The following STXBP6 variants were observed in gnomAD, a reference collection of about 807,000 sequenced individuals.
STXBP6 encodes the protein syntaxin binding protein 6.
Under a neutral mutation model 26.9 loss-of-function variants are expected in STXBP6, and 21 were observed. The ratio of observed to expected loss-of-function variants is 0.78; its 90% CI spans 0.55 to 1.12. STXBP6 has a LOEUF of 1.12. STXBP6 is among the 50% of genes most tolerant of loss of function. The pLI, the probability that STXBP6 is intolerant of heterozygous loss-of-function variation, is 0.00. For synonymous variants in STXBP6, 97 were observed against 92.6 expected, an observed-to-expected ratio of 1.05 and a Z score of -0.27; for missense variants, 232 against 257.9, an observed-to-expected ratio of 0.90 and a Z score of 0.69.
intron 1 of STXBP6, among the ~76,000 whole-genome samples, chr14:25,045,587 A>C (rs1232461829): frequency 6.9e-6 from 1 of 144,290 alleles, no homozygotes; most frequent in Non-Finnish European, 1.5e-5. Context: ...AAATGCGTTC[A>C]TACTTTTTTT....
rs936888994 is a variant in STXBP6, at chr14:24,841,497, A to AAT, written c.451+14437_451+14438dup. 5.3e-5 allele frequency among the ~76,000 whole-genome samples: 8 copies of AAT among 152,254 alleles called. 2 individuals are homozygous for AAT. Among genetic ancestry groups the AAT allele is most frequent in the Admixed American group, 3.9e-4 (6 of 15,294 alleles). On this transcript the variant is annotated intron_variant, in intron 4 of 5. Transcript: ENST00000323944. Reference sequence around the variant, plus strand: ...GCAAGTTTTAGCCATCATCTTTTCAAATACTGGTTTTCTGCCATTCTTAAA... The same window carrying AAT: ...GCAAGTTTTAGCCATCATCTTTTCAAATATACTGGTTTTCTGCCATTCTTAAA...
chr14:24,981,278 AT>A (rs11320433), intron 1 of STXBP6, among the ~76,000 whole-genome samples: 26,118 of 147,884 alleles, frequency 0.18, 2,435 homozygotes, highest in Middle Eastern at 0.27. Context: ...GTATGTGAGT[AT>A]TTTTTTTTTT....
chr14:25,041,616 T>C (rs985878213), intron 1 of STXBP6, among the ~76,000 whole-genome samples: 1 of 130,840 alleles, frequency 7.6e-6, no homozygotes, highest in Admixed American at 7.4e-5. Context: ...ACGCCCTATC[T>C]GACCAAGCTT....
rs189090842 is a variant in STXBP6 at position 24,905,214 on chromosome 14, G to C, written c.155-48057C>G. 2.6e-3 allele frequency among the ~76,000 whole-genome samples: 395 copies of C among 152,270 alleles called. 2 individuals are homozygous for C. The highest frequency in any genetic ancestry group is 9.2e-3 in the African/African-American group (384 of 41,556). On this transcript the variant is annotated intron_variant, in intron 2 of 5. Coordinates refer to ENST00000323944, the MANE Select transcript of STXBP6 (RefSeq NM_001394410.1). Reference sequence around the variant, plus strand: ...ATGCTTTTGGGCTGTTTATTCCAAAGTCCCTATCATGTCTTAAATGTTAAG... The same window carrying C: ...ATGCTTTTGGGCTGTTTATTCCAAACTCCCTATCATGTCTTAAATGTTAAG...
intron 1 of STXBP6, among the ~76,000 whole-genome samples, chr14:24,985,893 G>A (rs2074318835): frequency 6.6e-6 from 1 of 152,128 alleles, no homozygotes; most frequent in Non-Finnish European, 1.5e-5. Flanking sequence ...TAACACATAA[G>A]GAAACTGAAG....
rs747010332 is a variant in STXBP6, at chr14:25,002,359, C to CTTTTTTTTTTTTTTTT, written c.-32-27525_-32-27510dup. ...ATCCCATACAGTTAAATTCTTATGACTTTTTTTTTTTTTTTTTTGAGACAC... is the reference window on the plus strand; with the variant it reads ...ATCCCATACAGTTAAATTCTTATGACTTTTTTTTTTTTTTTTTTTTTTTTTTTTTTTTTTGAGACAC... On this transcript the variant is annotated intron_variant, in intron 1 of 5. Transcript: ENST00000323944. Among the ~76,000 whole-genome samples, 5 of 121,356 alleles carry CTTTTTTTTTTTTTTTT rather than the reference C, an allele frequency of 4.1e-5. 1 individual carries two copies. The highest frequency in any genetic ancestry group is 1.4e-4 in the African/African-American group (4 of 29,600). 79.6% of individuals were successfully genotyped at this position (121,356 alleles called of 152,430 possible). A position where few individuals can be genotyped will look rare whatever the true frequency, so the allele number is the denominator to read the frequency against.
intron 4 of STXBP6, among the ~76,000 whole-genome samples, chr14:24,836,371 C>T (rs854394): frequency 0.23 from 35,636 of 151,822 alleles, 4,849 homozygotes; most frequent in Non-Finnish European, 0.31. Flanking sequence ...TCGAGGCGAG[C>T]GGACCACCTG....
intron 1 of STXBP6, among the ~76,000 whole-genome samples, chr14:25,038,235 T>A (rs2075586664): frequency 6.6e-6 from 1 of 150,548 alleles, no homozygotes; most frequent in Non-Finnish European, 1.5e-5. Flanking sequence ...AACTAAGTGT[T>A]GGCAAAGAAT....
chr14:24,856,222 A>C lies in STXBP6; in HGVS notation c.286-121T>G, dbSNP rs1358727873. 9 of 992,166 alleles carry C rather than the reference A, an allele frequency of 9.1e-6. No homozygotes were observed. In the East Asian group the frequency reaches 2.5e-4, roughly 28 times the overall value. The allele number at this position is 992,166 out of a possible 1,614,324, so 61.5% of individuals were successfully genotyped here. A position where few individuals can be genotyped will look rare whatever the true frequency, so the allele number is the denominator to read the frequency against. On this transcript the variant is annotated intron_variant, in intron 3 of 5. Transcript: ENST00000323944. ...GACTTTGATCGCAATCATAAGGCTC[A>C]TCTTTATCCAAGTGTATGGAGAGTC...
intron 2 of STXBP6, among the ~76,000 whole-genome samples, chr14:24,927,747 T>C (rs1396700047): frequency 6.6e-6 from 1 of 152,242 alleles, no homozygotes; most frequent in Non-Finnish European, 1.5e-5. Context: ...CGATATATGT[T>C]CAGATGTTCA....
At chr14:24,985,744 C>G (rs1402073041) in intron 1 of STXBP6, among the ~76,000 whole-genome samples, 1 of 152,118 alleles carries the variant, frequency 6.6e-6, no homozygotes, top group South Asian at 2.1e-4. Flanking sequence ...TATTTGACAC[C>G]CTTTTGGGCC....
intron 2 of STXBP6, among the ~76,000 whole-genome samples, chr14:24,969,341 A>G (rs561492034): frequency 6.6e-6 from 1 of 152,376 alleles, no homozygotes; most frequent in East Asian, 1.9e-4. Context: ...GTAGCATCAT[A>G]TATTACACAC....
rs145900932 is a variant in STXBP6, at chr14:24,844,765, G to A, written c.451+11171C>T. Among the ~76,000 whole-genome samples, 187 of 152,248 alleles carry A rather than the reference G, an allele frequency of 1.2e-3. 1 individual carries two copies. The highest frequency in any genetic ancestry group is 6.8e-3 in the Middle Eastern group (2 of 294). On this transcript the variant is annotated intron_variant, in intron 4 of 5. Transcript: ENST00000323944. ...GTTGAATCACTTTTAAATGTATATTGAATTAAAGAGGTAAATCCAGCCAGT... is the reference window on the plus strand; with the variant it reads ...GTTGAATCACTTTTAAATGTATATTAAATTAAAGAGGTAAATCCAGCCAGT...
chr14:25,023,725 G>T (rs2075299477), intron 1 of STXBP6, among the ~76,000 whole-genome samples: 1 of 152,162 alleles, frequency 6.6e-6, no homozygotes, highest in African/African-American at 2.4e-5. Flanking sequence ...GAGCCAAGAA[G>T]ATGGAGGTAA....
At chr14:24,878,134 A>AT (rs2070215248) in intron 2 of STXBP6, among the ~76,000 whole-genome samples, 1 of 151,840 alleles carries the variant, frequency 6.6e-6, no homozygotes, top group African/African-American at 2.4e-5. Flanking sequence ...GCCCTTTGTG[A>AT]TTTGAGTATT....
At chr14:24,948,658 T>G (rs1351665433) in intron 2 of STXBP6, among the ~76,000 whole-genome samples, 1 of 152,224 alleles carries the variant, frequency 6.6e-6, no homozygotes, top group Non-Finnish European at 1.5e-5. Flanking sequence ...CTTCTTTTGT[T>G]GCTATCTCAG....
At chr14:24,839,924 C>T (rs2068738397) in intron 4 of STXBP6, among the ~76,000 whole-genome samples, 1 of 152,214 alleles carries the variant, frequency 6.6e-6, no homozygotes, top group African/African-American at 2.4e-5. Context: ...CAAGTCAGTT[C>T]TCAGCCCTGA....
At chr14:24,943,573 T>C (rs2072878318) in intron 2 of STXBP6, among the ~76,000 whole-genome samples, 1 of 152,214 alleles carries the variant, frequency 6.6e-6, no homozygotes, top group African/African-American at 2.4e-5. Flanking sequence ...GAATTATTTG[T>C]TAAAAAGGTA....
rs116083803 is a variant in STXBP6 at position 24,927,752 on chromosome 14, T to C, written c.154+46913A>G. On this transcript the variant is annotated intron_variant, in intron 2 of 5. Coordinates refer to ENST00000323944, the MANE Select transcript of STXBP6 (RefSeq NM_001394410.1). ...GAAATGTCAACGATATATGTTCAGA[T>C]GTTCAGGGCTTATTTTTCTTTAGGA... Among the ~76,000 whole-genome samples the C allele has an allele frequency of 4.5e-3, 689 of 152,358 alleles. 4 individuals carry two copies. Among genetic ancestry groups the C allele is most frequent in the African/African-American group, 0.016 (659 of 41,588 alleles).
Sources: gnomAD v4.1 joint callset for allele counts (sites outside exome capture counted in the v4.1 genomes callset) on GRCh38, gnomAD v4.1.1 for gene constraint, MANE v1.5 for transcripts, NCBI Gene and HGNC (gene_info 2026-07-23, HGNC 2026-07-21) for gene names.